The following UTP6 variants were observed in gnomAD, a reference collection of about 807,000 sequenced individuals.
The protein encoded by UTP6 is UTP6 small subunit processome component, also known as U3 small nucleolar RNA-associated protein 6 homolog.
In UTP6, 60 loss-of-function variants were observed where a neutral mutation model predicts 96.5. The ratio of observed to expected loss-of-function variants is 0.62; its 90% CI spans 0.51 to 0.77. The LOEUF is 0.77. Among genes scored for constraint, UTP6 ranks in the 30% least tolerant of loss-of-function variants. The probability of loss-of-function intolerance (pLI) is 0.00; values close to 1 mark genes in which losing one functional copy is unlikely to be tolerated. For missense variants in UTP6, 637 were observed against 706.5 expected (o/e 0.90, Z 1.12); for synonymous variants, 215 against 240.1 (o/e 0.90, Z 0.96).
intron 2 of UTP6, among the ~76,000 whole-genome samples, chr17:31,899,384 A>T (rs1904836092): frequency 6.6e-6 from 1 of 152,142 alleles, no homozygotes; most frequent in Non-Finnish European, 1.5e-5. Flanking sequence ...AGGTGGGTGG[A>T]TCCCTTGAGA....
At chr17:31,877,113 T>A (rs555026677) in intron 13 of UTP6, among the ~76,000 whole-genome samples, 111 of 152,284 alleles carry the variant, frequency 7.3e-4, no homozygotes, top group African/African-American at 2.6e-3. Flanking sequence ...GGACATAACA[T>A]AAACTAAAGC....
intron 12 of UTP6, 63 bp from the exon 13 acceptor site, chr17:31,878,390 C>T: frequency 6.7e-7 from 1 of 1,503,144 alleles, no homozygotes; most frequent in South Asian, 1.2e-5. Flanking sequence ...TGGCCTCTGA[C>T]ATGAACAAAA....
chr17:31,889,466 C>A (rs1399437941), intron 6 of UTP6, 63 bp from the exon 7 acceptor site: 2 of 1,286,756 alleles, frequency 1.6e-6, no homozygotes, highest in African/African-American at 1.5e-5. Context: ...AAGAAAAGAA[C>A]CAAATGATCC....
intron 1 of UTP6, 73 bp downstream of exon 1, chr17:31,901,463 C>A: frequency 6.9e-7 from 1 of 1,443,808 alleles, no homozygotes; most frequent in South Asian, 1.1e-5. Flanking sequence ...GTCCCCACAT[C>A]TAGCCCCTGC....
intron 16 of UTP6, among the ~76,000 whole-genome samples, chr17:31,873,015 C>A (rs1910277188): frequency 6.6e-6 from 1 of 152,056 alleles, no homozygotes; most frequent in Non-Finnish European, 1.5e-5. Context: ...CTTTGGGAGG[C>A]TGAGGTGGGC....
At chr17:31,878,123 C>T (rs1910606255) in intron 13 of UTP6, 127 bp downstream of exon 13, 1 of 843,196 alleles carries the variant, frequency 1.2e-6, no homozygotes, top group South Asian at 1.7e-5. Flanking sequence ...TATAAACACA[C>T]TTCACATACC....
intron 16 of UTP6, among the ~76,000 whole-genome samples, chr17:31,870,546 G>A (rs1439687987): frequency 1.3e-5 from 2 of 149,928 alleles, no homozygotes; most frequent in Non-Finnish European, 3.0e-5. Context: ...TTTTGAGACG[G>A]AGTCTTGATC....
rs532472354 is a variant in UTP6 at position 31,900,169 on chromosome 17, A to T, written c.93-439T>A. 2.8e-4 allele frequency among the ~76,000 whole-genome samples: 43 copies of T among 152,294 alleles called. 1 individual carries two copies. In the South Asian group the frequency reaches 8.9e-3, roughly 32 times the overall value. On this transcript the variant is annotated intron_variant, in intron 1 of 18. Coordinates refer to ENST00000261708, the MANE Select transcript of UTP6 (RefSeq NM_018428.3). ...AAAAAAAAAAGTATTCTCTTACACA[A>T]TTACTTTTGTGTTCTTAAGGGTTCA...
intron 4 of UTP6, 150 bp from the exon 5 acceptor site, chr17:31,892,944 G>T (rs138028400): frequency 3.4e-6 from 3 of 870,572 alleles, no homozygotes; most frequent in Admixed American, 2.4e-5. Context: ...AAGCCGAAGC[G>T]GGCGGATCAC....
chr17:31,893,336 G>C (rs1364923351), intron 4 of UTP6, among the ~76,000 whole-genome samples: 2 of 146,650 alleles, frequency 1.4e-5, no homozygotes, highest in Non-Finnish European at 1.5e-5. Context: ...TGAGGCAGAA[G>C]AATCACTTGA....
chr17:31,863,064 T>A lies in UTP6; in HGVS notation c.*295A>T, dbSNP rs739800. 237,861 of 293,262 alleles carry A rather than the reference T, an allele frequency of 0.81. 97,248 individuals are homozygous for A. Among genetic ancestry groups the A allele is most frequent in the Non-Finnish European group, 0.85 (133,831 of 157,444 alleles). The allele number at this position is 293,262 out of a possible 1,614,324, so 18.2% of individuals were successfully genotyped here. ...CTGGAATCAGATTAGCACATCAAAC[T>A]GAGCAGTGTCATGCACCTATAATCC... On this transcript the variant is annotated 3_prime_UTR_variant, in exon 19 of 19. Transcript: ENST00000261708.
intron 17 of UTP6, among the ~76,000 whole-genome samples, chr17:31,866,236 G>A (rs554298371): frequency 2.1e-5 from 3 of 145,080 alleles, no homozygotes; most frequent in South Asian, 4.4e-4. Context: ...GCAGTGAGCC[G>A]AGATCGCGCC....
At chr17:31,865,873 T>A (rs1248832627) in intron 17 of UTP6, among the ~76,000 whole-genome samples, 1 of 152,140 alleles carries the variant, frequency 6.6e-6, no homozygotes, top group Non-Finnish European at 1.5e-5. Flanking sequence ...TTCAGCAAGT[T>A]TTTGAACCCT....
intron 6 of UTP6, among the ~76,000 whole-genome samples, chr17:31,889,714 G>A (rs1216224727): frequency 6.6e-6 from 1 of 151,750 alleles, no homozygotes; most frequent in Non-Finnish European, 1.5e-5. Flanking sequence ...TAGCCAGGAT[G>A]GTCTCAATCT....
intron 11 of UTP6, 109 bp downstream of exon 11, chr17:31,880,464 G>T: frequency 6.8e-5 from 80 of 1,181,100 alleles, no homozygotes; most frequent in Non-Finnish European, 8.7e-5. Context: ...CGTAAACTAT[G>T]TTACAGAGAC....
At chr17:31,899,869 G>A in intron 1 of UTP6, 139 bp from the exon 2 acceptor site, 1 of 655,690 alleles carries the variant, frequency 1.5e-6, no homozygotes, top group East Asian at 3.3e-5. Flanking sequence ...TTATCGGCCG[G>A]ACACAGTGGC....
At chr17:31,889,100 C>T (rs565999880) in intron 7 of UTP6, among the ~76,000 whole-genome samples, 185 bp downstream of exon 7, 1 of 151,794 alleles carries the variant, frequency 6.6e-6, no homozygotes, top group Non-Finnish European at 1.5e-5. Flanking sequence ...GCCTGGCCAA[C>T]ATGGCAAAAC....
intron 7 of UTP6, among the ~76,000 whole-genome samples, chr17:31,889,077 A>C: frequency 6.6e-6 from 1 of 151,908 alleles, no homozygotes; most frequent in South Asian, 2.1e-4. Flanking sequence ...CTCAAAAAAA[A>C]AAAGTGAAAC....
rs1910441888 is a variant in UTP6 at position 31,875,404 on chromosome 17, A to C, written c.1135T>G (p.Leu379Val). ...ECQYKQLSVS[L>V]LCYNFLREAL... is the part of the protein sequence containing the mutation. ...TCCCTCAGGAAGTTATAACACAGCA[A>C]CGAAACACTCTAGACAAGATGAAGG... is the stretch of plus-strand genomic sequence containing the variant. The change falls in exon 14 of 19, where the codon TTG becomes GTG. Residue 379 changes from leucine to valine, a missense_variant. Leu to Val is a conservative substitution (Grantham distance 32, BLOSUM62 1). Transcript: ENST00000261708. The C allele has an allele frequency of 6.2e-7, 1 of 1,613,958 alleles. No homozygotes were observed. Among genetic ancestry groups the C allele is most frequent in the Admixed American group, 1.7e-5 (1 of 59,956 alleles).
Sources: gnomAD v4.1 joint callset for allele counts (sites outside exome capture counted in the v4.1 genomes callset) on GRCh38, gnomAD v4.1.1 for gene constraint, MANE v1.5 for transcripts, NCBI Gene and HGNC (gene_info 2026-07-23, HGNC 2026-07-21) for gene names.